Variants in FBP1 observed in about 807,000 individuals in gnomAD.
FBP1 encodes the protein fructose-1,6-bisphosphatase 1.
A neutral mutation model predicts 29.9 loss-of-function variants in FBP1; 22 were observed. The observed-to-expected ratio is 0.74, with a 90% CI of 0.53 to 1.05. The LOEUF (loss-of-function observed/expected upper bound fraction) is 1.05. Among genes scored for constraint, FBP1 ranks in the 50% least tolerant of loss-of-function variants. The probability of loss-of-function intolerance (pLI) is 0.00; values close to 1 mark genes in which losing one functional copy is unlikely to be tolerated. For synonymous variants in FBP1, 175 were observed against 178.6 expected, an observed-to-expected ratio of 0.98 and a Z score of 0.16; for missense variants, 345 against 448.2, an observed-to-expected ratio of 0.77 and a Z score of 2.08.
At chr9:94,619,340 T>C (rs892141987) in intron 2 of FBP1, among the ~76,000 whole-genome samples, 2 of 152,318 alleles carry the variant, frequency 1.3e-5, no homozygotes, top group African/African-American at 4.8e-5. Flanking sequence ...TTCCTAATTC[T>C]ACTCCTTCAT....
At chr9:94,631,477 A>G (rs1828103178) in intron 1 of FBP1, among the ~76,000 whole-genome samples, 2 of 152,256 alleles carry the variant, frequency 1.3e-5, no homozygotes, top group Admixed American at 6.5e-5. Flanking sequence ...ACCATTTCAC[A>G]GCCATGGACT....
Position 94,606,922 on chromosome 9 carries a change from C to A in FBP1, c.598G>T (p.Asp200Tyr). Reference protein sequence around the residue: ...AIGEFILVDKDVKIKKKGKIY... With the variant: ...AIGEFILVDKYVKIKKKGKIY... ...TTACCTTTCTTTTTTATCTTCACAT[C>A]CTTGTCCACCAAAATGAACTCCCCG... is the stretch of plus-strand genomic sequence containing the variant. The change falls in exon 5 of 7, where the codon GAT becomes TAT. Residue 200 changes from aspartate (D) to tyrosine (Y), a missense_variant. Transcript: ENST00000375326. 1 of 1,614,104 alleles carries A rather than the reference C, an allele frequency of 6.2e-7. No homozygotes were observed. Among genetic ancestry groups the A allele is most frequent in the South Asian group, 1.1e-5 (1 of 91,078 alleles).
At chr9:94,622,068 C>G (rs552715627) in intron 1 of FBP1, among the ~76,000 whole-genome samples, 517 of 152,264 alleles carry the variant, frequency 3.4e-3, no homozygotes, top group African/African-American at 0.012. Flanking sequence ...ACACCCTGGG[C>G]CCCTGGCAGG....
rs1460104453 is a variant in FBP1, at chr9:94,639,513, G to C, written c.-203C>G. ...GTCCGCAGCGCTCGTGGTGCAACTG[G>C]GCCAGGCCAGGCGCCGGCGGGTGAA... On this transcript the variant is annotated 5_prime_UTR_variant, in exon 1 of 7. Transcript: ENST00000375326. 4 of 636,616 alleles carry C rather than the reference G, an allele frequency of 6.3e-6. No homozygotes were observed. The East Asian group carries it at 8.3e-5, about 13-fold the overall frequency. 39.4% of individuals were successfully genotyped at this position (636,616 alleles called of 1,614,324 possible).
At chr9:94,627,751 T>G (rs1323869329) in intron 1 of FBP1, among the ~76,000 whole-genome samples, 1 of 152,148 alleles carries the variant, frequency 6.6e-6, no homozygotes, top group Non-Finnish European at 1.5e-5. Context: ...GCTCCCAATT[T>G]GCCATTCTCT....
intron 1 of FBP1, 144 bp downstream of exon 1, chr9:94,638,993 CCAGA>C: frequency 1.2e-6 from 1 of 837,358 alleles, no homozygotes; most frequent in Non-Finnish European, 1.9e-6. Context: ...AGAGGGGCTA[CCAGA>C]CAGAGAGCGA....
intron 4 of FBP1, 84 bp downstream of exon 4, chr9:94,609,837 C>T (rs1398328928): frequency 1.3e-6 from 2 of 1,494,574 alleles, no homozygotes; most frequent in Non-Finnish European, 1.9e-6. Context: ...CCCACCTCCA[C>T]ATACCCCTGC....
At chr9:94,612,231 C>T (rs1827795687) in intron 3 of FBP1, among the ~76,000 whole-genome samples, 1 of 152,170 alleles carries the variant, frequency 6.6e-6, no homozygotes, top group African/African-American at 2.4e-5. Flanking sequence ...AAGCCAGGTA[C>T]ACAGTGGGTG....
intron 3 of FBP1, among the ~76,000 whole-genome samples, chr9:94,613,484 G>A (rs1025150228): frequency 4.6e-5 from 7 of 152,190 alleles, no homozygotes; most frequent in African/African-American, 1.4e-4. Flanking sequence ...CACTGGTGGG[G>A]CCAGGCACCG....
At chr9:94,605,684 A>G (rs1424097832) in intron 5 of FBP1, 108 bp from the exon 6 acceptor site, 3 of 1,107,990 alleles carry the variant, frequency 2.7e-6, no homozygotes, top group Non-Finnish European at 2.7e-6. Context: ...GAGCACCTAC[A>G]AGGTATGTAT....
intron 1 of FBP1, among the ~76,000 whole-genome samples, chr9:94,633,751 C>A (rs1413393636): frequency 6.6e-6 from 1 of 152,026 alleles, no homozygotes; most frequent in East Asian, 2.0e-4. Context: ...GTCGCCCAGG[C>A]TGGAGTGCAG....
chr9:94,605,269 A>T (rs1827679832), intron 6 of FBP1, among the ~76,000 whole-genome samples, 188 bp downstream of exon 6: 1 of 152,186 alleles, frequency 6.6e-6, no homozygotes, highest in Non-Finnish European at 1.5e-5. Flanking sequence ...GGCTCTCAAG[A>T]GACTATTTTT....
rs1564191912 is a variant in FBP1 at position 94,603,401 on chromosome 9, C to T, written c.997G>A (p.Glu333Lys). 2 of 1,613,744 alleles carry T rather than the reference C, an allele frequency of 1.2e-6. No individual in the cohort carries two copies. Among genetic ancestry groups the T allele is most frequent in the Admixed American group, 3.3e-5 (2 of 59,954 alleles). The change falls in exon 7 of 7, where the codon GAG (glutamate) becomes AAG (lysine). Residue 333 changes from glutamate to lysine, a missense_variant. Glu to Lys is a moderately conservative substitution (Grantham distance 56). Transcript: ENST00000375326. The stretch of plus-strand genomic sequence containing the variant: ...GGTGCTCACTGGGCAGAGTGCTTCT[C>T]ATACACCTTCAGGAACTCGAGCACG... ...DDVLEFLKVY[E>K]KHSAQ
At chr9:94,610,995 C>G (rs1977483) in intron 3 of FBP1, among the ~76,000 whole-genome samples, 76,115 of 151,768 alleles carry the variant, frequency 0.5, 19,299 homozygotes, top group Admixed American at 0.63. Flanking sequence ...TCCCAAGTAG[C>G]TGGGAGTACA....
At chr9:94,616,490 G>A (rs1470615523) in intron 3 of FBP1, among the ~76,000 whole-genome samples, 2 of 137,890 alleles carry the variant, frequency 1.5e-5, no homozygotes, top group Non-Finnish European at 3.1e-5. Flanking sequence ...GCCCAGGCTG[G>A]AGTGCAGTGG....
At chr9:94,613,333 A>C (rs1328241354) in intron 3 of FBP1, among the ~76,000 whole-genome samples, 1 of 152,226 alleles carries the variant, frequency 6.6e-6, no homozygotes, top group African/African-American at 2.4e-5. Flanking sequence ...GTTTCCAAAC[A>C]TGTCAAAGAA....
At chr9:94,638,239 G>A (rs181895431) in intron 1 of FBP1, among the ~76,000 whole-genome samples, 2 of 152,306 alleles carry the variant, frequency 1.3e-5, no homozygotes, top group East Asian at 3.9e-4. Flanking sequence ...GTGATGAGTA[G>A]ACAAACAGTA....
intron 6 of FBP1, chr9:94,604,043 CTG>C (rs1827654557): frequency 8.6e-6 from 2 of 233,398 alleles, no homozygotes; most frequent in Non-Finnish European, 1.7e-5. Flanking sequence ...GTTTGCAACT[CTG>C]TGTGCATTCC....
At chr9:94,612,549 ATTTTTTTTTTT>A (rs561246840) in intron 3 of FBP1, among the ~76,000 whole-genome samples, 1 of 108,028 alleles carries the variant, frequency 9.3e-6, no homozygotes, top group Non-Finnish European at 1.8e-5. Flanking sequence ...CCAGCCCCCA[ATTTTTTTTTTT>A]TTTTTTTTTT....
Sources: gnomAD v4.1 joint callset for allele counts (sites outside exome capture counted in the v4.1 genomes callset) on GRCh38, gnomAD v4.1.1 for gene constraint, MANE v1.5 for transcripts, NCBI Gene and HGNC (gene_info 2026-07-23, HGNC 2026-07-21) for gene names.